Variants in CTXND1 observed in about 807,000 individuals in gnomAD.
CTXND1 encodes the protein cortexin domain containing 1, also known as cortexin domain-containing 1 protein.
Position 80,196,609 on chromosome 15 carries a change from C to T in CTXND1, c.*5161G>A, listed in dbSNP as rs1042349107. 6.6e-6 allele frequency: 1 copy of T among 152,228 alleles called. No individual in the cohort carries two copies. Among genetic ancestry groups the T allele is most frequent in the South Asian group, 2.1e-4 (1 of 4,830 alleles). The allele number at this position is 152,228 out of a possible 1,614,324, so 9.4% of individuals were successfully genotyped here. ...GGACTAAATTGCTATCACCCCCAGA[C>T]AATATGGCTGCTGGTGAGATTTTAT... On this transcript the variant is annotated 3_prime_UTR_variant, in exon 3 of 3. Coordinates refer to ENST00000560778, the MANE Select transcript of CTXND1 (RefSeq NM_001352888.2).
rs186741127 is a variant in CTXND1, at chr15:80,198,612, T to G, written c.*3158A>C. On this transcript the variant is annotated 3_prime_UTR_variant, in exon 3 of 3. Coordinates refer to ENST00000560778, the MANE Select transcript of CTXND1 (RefSeq NM_001352888.2). Reference sequence around the variant, plus strand: ...ACTGAAGCCTGAGATTCCAGTTGCTTTTTTCTCCTTAATATGATCCAGTTC... The same window carrying G: ...ACTGAAGCCTGAGATTCCAGTTGCTGTTTTCTCCTTAATATGATCCAGTTC... The G allele has an allele frequency of 2.0e-5, 3 of 152,302 alleles. No homozygotes were observed. The East Asian group carries it at 5.8e-4, about 29-fold the overall frequency. 9.4% of individuals were successfully genotyped at this position (152,302 alleles called of 1,614,324 possible).
At chr15:80,241,263 G>A (rs1246891278) in intron 1 of CTXND1, among the ~76,000 whole-genome samples, 3 of 152,092 alleles carry the variant, frequency 2.0e-5, no homozygotes, top group Non-Finnish European at 4.4e-5. Flanking sequence ...GGGAAAAAGG[G>A]GCCCTGCAGC....
intron 1 of CTXND1, among the ~76,000 whole-genome samples, chr15:80,215,320 C>G (rs1007610168): frequency 6.6e-6 from 1 of 152,210 alleles, no homozygotes; most frequent in African/African-American, 2.4e-5. Context: ...GGGGTACAAA[C>G]ACATTTCCTG....
In CTXND1 at chr15:80,201,449, A is replaced by G. The variant is rs920629807; in HGVS notation, c.*321T>C. The stretch of plus-strand genomic sequence containing the variant: ...GGTGTCTGTTGCTGGATCCAGTTCC[A>G]AAAGGTGCCCAGGAACCTGGGAAGG... On this transcript the variant is annotated 3_prime_UTR_variant, in exon 3 of 3. Coordinates refer to ENST00000560778, the MANE Select transcript of CTXND1 (RefSeq NM_001352888.2). 3.8e-5 allele frequency: 9 copies of G among 234,586 alleles called. No homozygotes were observed. Among genetic ancestry groups the G allele is most frequent in the African/African-American group, 2.0e-4 (9 of 44,656 alleles). 14.5% of individuals were successfully genotyped at this position (234,586 alleles called of 1,614,324 possible). A position where few individuals can be genotyped will look rare whatever the true frequency, so the allele number is the denominator to read the frequency against.
intron 1 of CTXND1, among the ~76,000 whole-genome samples, chr15:80,226,267 C>G (rs1416392812): frequency 6.6e-6 from 1 of 152,204 alleles, no homozygotes; most frequent in Non-Finnish European, 1.5e-5. Context: ...CTTTTGTTCG[C>G]TAATGTCCAT....
At chr15:80,225,003 CA>C (rs1248268401) in intron 1 of CTXND1, among the ~76,000 whole-genome samples, 1 of 152,256 alleles carries the variant, frequency 6.6e-6, no homozygotes, top group African/African-American at 2.4e-5. Flanking sequence ...CTTGGCCTCC[CA>C]GATTGCTGGG....
chr15:80,236,056 C>A (rs1893491629), intron 1 of CTXND1, among the ~76,000 whole-genome samples: 2 of 147,964 alleles, frequency 1.4e-5, no homozygotes, highest in Non-Finnish European at 1.5e-5. Flanking sequence ...CCACATTTCC[C>A]AAAATAATGC....
In CTXND1 at chr15:80,203,597, T is replaced by A. The variant is rs934657834; in HGVS notation, c.-74A>T. 3 of 152,270 alleles carry A rather than the reference T, an allele frequency of 2.0e-5. No individual in the cohort carries two copies. Among genetic ancestry groups the A allele is most frequent in the African/African-American group, 7.2e-5 (3 of 41,410 alleles). The allele number at this position is 152,270 out of a possible 1,614,324, so 9.4% of individuals were successfully genotyped here. On this transcript the variant is annotated 5_prime_UTR_variant, in exon 2 of 3. Coordinates refer to ENST00000560778, the MANE Select transcript of CTXND1 (RefSeq NM_001352888.2). ...TCTCGGGGGACACTGACCTGCTGAC[T>A]GGAGTGGTCACCACTTCATAAGGAC...
chr15:80,245,447 A>G (rs1298119887), intron 1 of CTXND1, among the ~76,000 whole-genome samples: 2 of 152,212 alleles, frequency 1.3e-5, no homozygotes, highest in South Asian at 2.1e-4. Flanking sequence ...TCTATCATGC[A>G]GTTACCTTCA....
intron 1 of CTXND1, among the ~76,000 whole-genome samples, chr15:80,238,643 C>A (rs529557990): frequency 2.0e-5 from 3 of 152,110 alleles, no homozygotes; most frequent in African/African-American, 7.2e-5. Context: ...CGCCTCCACG[C>A]CCAGCTAATT....
At chr15:80,231,854 C>T (rs965650657) in intron 1 of CTXND1, among the ~76,000 whole-genome samples, 5 of 152,290 alleles carry the variant, frequency 3.3e-5, no homozygotes, top group Non-Finnish European at 5.9e-5. Flanking sequence ...GCTATCTGTG[C>T]ATAATTTATG....
chr15:80,216,434 C>T (rs752808651), intron 1 of CTXND1, among the ~76,000 whole-genome samples: 57 of 152,244 alleles, frequency 3.7e-4, no homozygotes, highest in Non-Finnish European at 5.3e-4. Context: ...TTGAGATGTT[C>T]GCATTTCCTT....
intron 1 of CTXND1, among the ~76,000 whole-genome samples, chr15:80,234,130 A>G (rs1401182436): frequency 6.6e-6 from 1 of 152,214 alleles, no homozygotes; most frequent in Non-Finnish European, 1.5e-5. Context: ...CTTTGTGTGC[A>G]GAGCATCATG....
intron 1 of CTXND1, among the ~76,000 whole-genome samples, chr15:80,239,735 G>A (rs539872230): frequency 2.4e-4 from 36 of 152,012 alleles, no homozygotes; most frequent in African/African-American, 7.0e-4. Flanking sequence ...TCACCAACTC[G>A]CTACAGCTCC....
At chr15:80,222,331 C>T (rs1893327242) in intron 1 of CTXND1, among the ~76,000 whole-genome samples, 1 of 152,108 alleles carries the variant, frequency 6.6e-6, no homozygotes, top group Non-Finnish European at 1.5e-5. Flanking sequence ...CAACATACCC[C>T]CCCTTTTTGG....
At chr15:80,238,517 C>G (rs1893529252) in intron 1 of CTXND1, among the ~76,000 whole-genome samples, 2 of 146,508 alleles carry the variant, frequency 1.4e-5, no homozygotes, top group South Asian at 4.3e-4. Flanking sequence ...CGGAGTCTTG[C>G]TCTGTTGCCC....
chr15:80,240,449 C>G (rs1305427087), intron 1 of CTXND1, among the ~76,000 whole-genome samples: 1 of 152,308 alleles, frequency 6.6e-6, no homozygotes, highest in East Asian at 1.9e-4. Context: ...AATCTACAAG[C>G]CTGCACTATT....
At chr15:80,242,529 G>T (rs1343193536) in intron 1 of CTXND1, among the ~76,000 whole-genome samples, 1 of 152,188 alleles carries the variant, frequency 6.6e-6, no homozygotes, top group Non-Finnish European at 1.5e-5. Flanking sequence ...TTGCAAATTT[G>T]CATGAACAAT....
In CTXND1 at chr15:80,200,852, TA is replaced by T. The variant is rs2041445420; in HGVS notation, c.*917del. The T allele has an allele frequency of 6.6e-6, 1 of 152,138 alleles. No homozygotes were observed. Among genetic ancestry groups the T allele is most frequent in the Non-Finnish European group, 1.5e-5 (1 of 68,028 alleles). The allele number at this position is 152,138 out of a possible 1,614,324, so 9.4% of individuals were successfully genotyped here. ...TGTGTGAGGAAAAAATAGTGGAAAA[TA>T]ATTAAATATGCAACCAAAGGAGATG... On this transcript the variant is annotated 3_prime_UTR_variant, in exon 3 of 3. Transcript: ENST00000560778.
Sources: gnomAD v4.1 joint callset for allele counts (sites outside exome capture counted in the v4.1 genomes callset) on GRCh38, gnomAD v4.1.1 for gene constraint, MANE v1.5 for transcripts, NCBI Gene and HGNC (gene_info 2026-07-23, HGNC 2026-07-21) for gene names.